CTXND1: variants seen among roughly 807,000 people sequenced by gnomAD.
The protein encoded by CTXND1 is cortexin domain-containing 1 protein.
At chr15:80,239,009 G>GACTGA (rs1196423903) in intron 1 of CTXND1, among the ~76,000 whole-genome samples, 1 of 152,190 alleles carries the variant, frequency 6.6e-6, no homozygotes, top group Non-Finnish European at 1.5e-5. Flanking sequence ...AGCACCACAT[G>GACTGA]ACTGAACTGA....
rs2142117295 is a variant in CTXND1, at chr15:80,196,367, A to C, written c.*5403T>G. On this transcript the variant is annotated 3_prime_UTR_variant, in exon 3 of 3. Coordinates refer to ENST00000560778, the MANE Select transcript of CTXND1 (RefSeq NM_001352888.2). ...AAGAATTTGAATCCTCTGTGGATGA[A>C]GATTTGGGTCATTCCACCAGATAAA... 1 of 152,322 alleles carries C rather than the reference A, an allele frequency of 6.6e-6. No homozygotes were observed. Among genetic ancestry groups the C allele is most frequent in the South Asian group, 2.1e-4 (1 of 4,832 alleles). 9.4% of individuals were successfully genotyped at this position (152,322 alleles called of 1,614,324 possible). A position where few individuals can be genotyped will look rare whatever the true frequency, so the allele number is the denominator to read the frequency against.
chr15:80,207,891 C>T (rs1893167163), intron 1 of CTXND1, among the ~76,000 whole-genome samples: 1 of 152,192 alleles, frequency 6.6e-6, no homozygotes. Flanking sequence ...CTTGGCATAT[C>T]TTAGATTCTA....
At chr15:80,238,838 C>T (rs1052678859) in intron 1 of CTXND1, among the ~76,000 whole-genome samples, 3 of 152,228 alleles carry the variant, frequency 2.0e-5, no homozygotes, top group African/African-American at 7.2e-5. Context: ...AGTACAATAA[C>T]ATACCGCCCA....
chr15:80,228,473 G>C (rs957761661), intron 1 of CTXND1, among the ~76,000 whole-genome samples: 3 of 152,106 alleles, frequency 2.0e-5, no homozygotes, highest in African/African-American at 7.2e-5. Context: ...CTTTCACATG[G>C]TAAGCATAAG....
In CTXND1 at chr15:80,200,046, A is replaced by G. The variant is rs994941506; in HGVS notation, c.*1724T>C. 1.3e-5 allele frequency: 2 copies of G among 152,322 alleles called. No individual in the cohort carries two copies. Among genetic ancestry groups the G allele is most frequent in the African/African-American group, 4.8e-5 (2 of 41,460 alleles). The allele number at this position is 152,322 out of a possible 1,614,324, so 9.4% of individuals were successfully genotyped here. A position where few individuals can be genotyped will look rare whatever the true frequency, so the allele number is the denominator to read the frequency against. ...GCAATTATGTAAATTGGTAGACGCC[A>G]TATCCCTTGAGGTCAGGTGCTGGGA... On this transcript the variant is annotated 3_prime_UTR_variant, in exon 3 of 3. Transcript: ENST00000560778.
At chr15:80,250,063 A>G (rs1458969027) in intron 1 of CTXND1, among the ~76,000 whole-genome samples, 1 of 152,132 alleles carries the variant, frequency 6.6e-6, no homozygotes, top group Non-Finnish European at 1.5e-5. Flanking sequence ...CCTTGATACC[A>G]TTTCATTTTC....
At chr15:80,231,759 G>A (rs1450759507) in intron 1 of CTXND1, among the ~76,000 whole-genome samples, 7 of 152,086 alleles carry the variant, frequency 4.6e-5, no homozygotes, top group Non-Finnish European at 1.0e-4. Context: ...CCAGCAATGA[G>A]AAAGAGAAAA....
chr15:80,225,210 A>C lies in CTXND1; in HGVS notation c.-217-21470T>G, dbSNP rs957573251. On this transcript the variant is annotated intron_variant, in intron 1 of 2. Coordinates refer to ENST00000560778, the MANE Select transcript of CTXND1 (RefSeq NM_001352888.2). Reference sequence around the variant, plus strand: ...AGCAAGTAGTGTTAGAGATGAAAAAAATTTTATTTTTCTTTCCATTGTTGG... The same window carrying C: ...AGCAAGTAGTGTTAGAGATGAAAAACATTTTATTTTTCTTTCCATTGTTGG... 8.5e-5 allele frequency among the ~76,000 whole-genome samples: 13 copies of C among 152,316 alleles called. 1 individual carries two copies. Among genetic ancestry groups the C allele is most frequent in the Admixed American group, 6.5e-4 (10 of 15,304 alleles).
chr15:80,250,384 T>A (rs1893680033), intron 1 of CTXND1, among the ~76,000 whole-genome samples: 1 of 152,226 alleles, frequency 6.6e-6, no homozygotes, highest in African/African-American at 2.4e-5. Context: ...AAACAACTCC[T>A]ATTCTGCCAT....
intron 1 of CTXND1, among the ~76,000 whole-genome samples, chr15:80,248,034 A>C (rs542163602): frequency 6.6e-6 from 1 of 152,354 alleles, no homozygotes; most frequent in Non-Finnish European, 1.5e-5. Flanking sequence ...GAGGAGGGTC[A>C]TCTTGGGAGC....
At chr15:80,222,990 A>G in intron 1 of CTXND1, among the ~76,000 whole-genome samples, 1 of 152,248 alleles carries the variant, frequency 6.6e-6, no homozygotes, top group East Asian at 1.9e-4. Flanking sequence ...CTGAAACTTC[A>G]TATAAATGGA....
intron 1 of CTXND1, among the ~76,000 whole-genome samples, chr15:80,234,741 T>C (rs1251662813): frequency 1.3e-5 from 2 of 152,080 alleles, no homozygotes; most frequent in Non-Finnish European, 2.9e-5. Context: ...GCCTCCCAAA[T>C]TGCTGGGATT....
intron 1 of CTXND1, among the ~76,000 whole-genome samples, chr15:80,250,895 G>A (rs1893685717): frequency 6.6e-6 from 1 of 152,168 alleles, no homozygotes; most frequent in South Asian, 2.1e-4. Context: ...CTTAATGAGG[G>A]TGAGGGAAGT....
chr15:80,243,765 G>A (rs1245227077), intron 1 of CTXND1, among the ~76,000 whole-genome samples: 1 of 152,228 alleles, frequency 6.6e-6, no homozygotes, highest in Non-Finnish European at 1.5e-5. Context: ...ACCAGTCACA[G>A]TGAGATGAGT....
intron 1 of CTXND1, among the ~76,000 whole-genome samples, chr15:80,219,685 G>A (rs1459033413): frequency 6.6e-6 from 1 of 152,164 alleles, no homozygotes; most frequent in Non-Finnish European, 1.5e-5. Flanking sequence ...CCCTTGGCAT[G>A]AGCTGGTATT....
intron 1 of CTXND1, among the ~76,000 whole-genome samples, chr15:80,235,524 A>G (rs1893485653): frequency 6.6e-6 from 1 of 152,142 alleles, no homozygotes; most frequent in African/African-American, 2.4e-5. Context: ...GCATACTGGG[A>G]GTGGCATAAC....
intron 1 of CTXND1, among the ~76,000 whole-genome samples, chr15:80,246,120 C>T (rs1349785861): frequency 6.6e-6 from 1 of 151,948 alleles, no homozygotes; most frequent in Non-Finnish European, 1.5e-5. Flanking sequence ...AAACATTTTC[C>T]TCCCAAAAAG....
chr15:80,204,418 G>A (rs1207755039), intron 1 of CTXND1, among the ~76,000 whole-genome samples: 2 of 150,320 alleles, frequency 1.3e-5, no homozygotes, highest in African/African-American at 2.4e-5. Context: ...CAAACTGTGC[G>A]CTCATTAGAC....
intron 1 of CTXND1, among the ~76,000 whole-genome samples, chr15:80,225,666 C>A (rs1432669108): frequency 6.6e-6 from 1 of 152,148 alleles, no homozygotes; most frequent in Non-Finnish European, 1.5e-5. Context: ...CTGTTTCATC[C>A]ATTATGCTTT....
Sources: allele counts gnomAD v4.1 joint callset (sites outside exome capture counted in the v4.1 genomes callset), GRCh38; gene constraint gnomAD v4.1.1; transcripts MANE v1.5; gene names NCBI Gene and HGNC (gene_info 2026-07-23, HGNC 2026-07-21).